STOX2: variants seen among roughly 807,000 people sequenced by gnomAD.
STOX2 encodes storkhead-box protein 2.
In STOX2, 28 loss-of-function variants were observed where a neutral mutation model predicts 60.9. The ratio of observed to expected loss-of-function variants is 0.46; its 90% CI spans 0.34 to 0.63. STOX2 has a LOEUF of 0.63. STOX2 is among the 30% of genes least tolerant of loss of function. The pLI is 0.01. For missense variants in STOX2, 1,024 were observed against 1,187.7 expected (o/e 0.86, Z 2.03); for synonymous variants, 472 against 463.9 (o/e 1.02, Z -0.22).
At chr4:183,835,700 C>T (rs774820883) in intron 1 of STOX2, among the ~76,000 whole-genome samples, 4 of 152,312 alleles carry the variant, frequency 2.6e-5, no homozygotes, top group Middle Eastern at 6.8e-3. Flanking sequence ...CACCAGCCTA[C>T]TGTGTGACTC....
chr4:183,888,976 G>C (rs1419594172), intron 1 of STOX2, among the ~76,000 whole-genome samples: 1 of 151,886 alleles, frequency 6.6e-6, no homozygotes, highest in Non-Finnish European at 1.5e-5. Flanking sequence ...CAAAAGGGAA[G>C]GTTTGCTTTG....
At chr4:183,896,010 A>G (rs1369449) in intron 1 of STOX2, among the ~76,000 whole-genome samples, 147,312 of 152,156 alleles carry the variant, frequency 0.97, 71,477 homozygotes, top group East Asian at 1. Context: ...GAGTTTCCAG[A>G]AGGCCAAGGA....
At chr4:183,874,875 A>G (rs189896554) in intron 1 of STOX2, among the ~76,000 whole-genome samples, 1,759 of 137,960 alleles carry the variant, frequency 0.013, 40 homozygotes, top group African/African-American at 0.043. Flanking sequence ...GCAGTGAGCC[A>G]AGATCATGCC....
At chr4:183,988,590 AG>A (rs1489508144) in intron 1 of STOX2, 2 of 152,554 alleles carry the variant, frequency 1.3e-5, no homozygotes, top group Non-Finnish European at 2.9e-5. Context: ...AGATCTACGA[AG>A]GTAAAGTACC....
intron 1 of STOX2, among the ~76,000 whole-genome samples, chr4:183,909,537 T>A (rs924371907): frequency 4.6e-5 from 7 of 152,364 alleles, no homozygotes; most frequent in Admixed American, 2.0e-4. Context: ...CTTTCAGAGA[T>A]GTACTAAATG....
intron 1 of STOX2, among the ~76,000 whole-genome samples, chr4:183,927,946 G>A (rs942099551): frequency 2.0e-5 from 3 of 152,120 alleles, no homozygotes; most frequent in Non-Finnish European, 4.4e-5. Context: ...CTGGCTCTGC[G>A]CCCCTCCTTG....
At chr4:183,983,723 A>T (rs747385156) in intron 1 of STOX2, among the ~76,000 whole-genome samples, 1 of 152,024 alleles carries the variant, frequency 6.6e-6, no homozygotes, top group Non-Finnish European at 1.5e-5. Context: ...GCTGAGTGAA[A>T]CTCATTGCAA....
At chr4:183,857,216 C>T (rs562472976) in intron 1 of STOX2, among the ~76,000 whole-genome samples, 2 of 151,870 alleles carry the variant, frequency 1.3e-5, no homozygotes, top group South Asian at 4.2e-4. Flanking sequence ...CATCATCCCA[C>T]AGGACTGGTT....
rs1733597360 is a variant in STOX2, at chr4:184,001,646, A to T, written c.319+169A>T. Among the ~76,000 whole-genome samples the T allele has an allele frequency of 6.6e-6, 1 of 152,180 alleles. No homozygotes were observed. Among genetic ancestry groups the T allele is most frequent in the Non-Finnish European group, 1.5e-5 (1 of 68,032 alleles). On this transcript the variant is annotated intron_variant, in intron 2 of 3. Coordinates refer to ENST00000308497, the MANE Select transcript of STOX2 (RefSeq NM_020225.3). This position sits in a 1 kb window ranked among gnomAD's most constrained non-coding sequence, Gnocchi z 4.2. ...AATTAAAAATTCAGGCACCTGCATG[A>T]CATCAAAAAATAACTTAACTGCTTC...
At chr4:183,847,013 T>C (rs1024710728) in intron 1 of STOX2, among the ~76,000 whole-genome samples, 3 of 152,240 alleles carry the variant, frequency 2.0e-5, no homozygotes, top group African/African-American at 7.2e-5. Context: ...TGGAAGCTTA[T>C]GTTTGGTTAG....
At position 184,018,001 on chromosome 4, in the gene STOX2, C is replaced by A. The variant is rs773892840; in HGVS notation, c.*717C>A. On this transcript the variant is annotated 3_prime_UTR_variant, in exon 4 of 4. Transcript: ENST00000308497. ...ACAGATGCTTGTCTGATTTTTTTAA[C>A]CTTCCGTGATCACAAACAGGAATAT... 6.6e-6 allele frequency: 1 copy of A among 152,076 alleles called. No homozygotes were observed. Among genetic ancestry groups the A allele is most frequent in the Non-Finnish European group, 1.5e-5 (1 of 68,024 alleles). The allele number at this position is 152,076 out of a possible 1,614,324, so 9.4% of individuals were successfully genotyped here. A position where few individuals can be genotyped will look rare whatever the true frequency, so the allele number is the denominator to read the frequency against.
At chr4:183,832,550 G>A (rs529345107) in intron 1 of STOX2, among the ~76,000 whole-genome samples, 1 of 143,210 alleles carries the variant, frequency 7.0e-6, no homozygotes, top group East Asian at 2.1e-4. Context: ...GAATGCAGTG[G>A]CATGATCTCG....
rs1387346182 is a variant in STOX2, at chr4:184,010,054, G to A, written c.1216G>A (p.Val406Met). 5.0e-6 allele frequency: 8 copies of A among 1,613,554 alleles called. No homozygotes were observed. The highest frequency in any genetic ancestry group is 5.9e-6 in the Non-Finnish European group (7 of 1,179,814). ...EYDFCDPLTR[V>M]PREGCFIIEH... Reference sequence around the variant, plus strand: ...TGACTTTTGTGATCCTCTTACCAGGGTGCCCAGGGAGGGCTGCTTCATCAT... The same window carrying A: ...TGACTTTTGTGATCCTCTTACCAGGATGCCCAGGGAGGGCTGCTTCATCAT... Residue 406 changes from valine to methionine, a missense_variant, in exon 3 of 4, where the codon GTG (valine) becomes ATG (methionine). Physicochemically the swap from Val to Met is conservative, Grantham distance 21. Around this residue, in one of 3 missense-constraint regions of STOX2, gnomAD observed 922 missense variants for 1,058.3 expected, o/e 0.87. Transcript: ENST00000308497. This position sits in a 1 kb window ranked among gnomAD's most constrained non-coding sequence, Gnocchi z 4.5.
chr4:183,985,375 G>A (rs912638615), intron 1 of STOX2, among the ~76,000 whole-genome samples: 4 of 152,110 alleles, frequency 2.6e-5, no homozygotes, highest in African/African-American at 7.2e-5. Flanking sequence ...ACGTGTAAAA[G>A]GTAAAATTGA....
chr4:183,945,330 A>G (rs1453133988), intron 1 of STOX2, among the ~76,000 whole-genome samples: 1 of 152,242 alleles, frequency 6.6e-6, no homozygotes, highest in Non-Finnish European at 1.5e-5. Context: ...ACATGAGGGT[A>G]CACAGCGGAG....
intron 1 of STOX2, among the ~76,000 whole-genome samples, chr4:183,957,881 T>G (rs946054912): frequency 4.6e-5 from 7 of 151,468 alleles, no homozygotes; most frequent in Non-Finnish European, 1.5e-5. Flanking sequence ...AAAATGGTAT[T>G]TAGAACCCAA....
intron 1 of STOX2, among the ~76,000 whole-genome samples, chr4:183,948,758 G>A (rs112034743): frequency 6.6e-6 from 1 of 151,662 alleles, no homozygotes; most frequent in Non-Finnish European, 1.5e-5. Flanking sequence ...TCTCAAACTC[G>A]TGACCTCAGG....
rs116485237 is a variant in STOX2 at position 183,899,148 on chromosome 4, T to C, written c.364+101093T>C. On this transcript the variant is annotated intron_variant, in intron 1 of 2. Transcript: ENST00000513034. ...CTCCACGAAGTGTGCCCATATAAGA[T>C]GGCAAACTTGATCCGTAAGTGTTGT... Among the ~76,000 whole-genome samples the C allele has an allele frequency of 4.8e-3, 736 of 152,352 alleles. 6 individuals carry two copies. Among genetic ancestry groups the C allele is most frequent in the African/African-American group, 0.017 (699 of 41,572 alleles).
Position 184,009,563 on chromosome 4 carries a change from G to C in STOX2, c.725G>C (p.Ser242Thr), listed in dbSNP as rs1052868421. Residue 242 changes from serine to threonine, a missense_variant, in exon 3 of 4, where the codon AGT (serine) becomes ACT (threonine). Transcript: ENST00000308497. This position sits in a 1 kb window ranked among gnomAD's most constrained non-coding sequence, Gnocchi z 4.0. ...CQVPPTEKSKSTVNFSYKTET... is the reference protein window; with the variant it reads ...CQVPPTEKSKTTVNFSYKTET... ...GTGCCACCCACTGAAAAGAGCAAAAGTACTGTAAATTTTTCCTATAAGACA... is the reference window on the plus strand; with the variant it reads ...GTGCCACCCACTGAAAAGAGCAAAACTACTGTAAATTTTTCCTATAAGACA... 1.2e-6 allele frequency: 2 copies of C among 1,613,880 alleles called. No individual in the cohort carries two copies. Among genetic ancestry groups the C allele is most frequent in the Non-Finnish European group, 1.7e-6 (2 of 1,179,824 alleles).
Sources: gnomAD v4.1 joint callset for allele counts (sites outside exome capture counted in the v4.1 genomes callset) on GRCh38, gnomAD v4.1.1 for gene constraint, gnomAD v4.1.1 regional missense constraint, Gnocchi (gnomAD v3.1) non-coding constraint, MANE v1.5 for transcripts, NCBI Gene and HGNC (gene_info 2026-07-23, HGNC 2026-07-21) for gene names.